Variants in CHRNA7 observed in about 807,000 individuals in gnomAD.
CHRNA7 encodes the protein cholinergic receptor nicotinic alpha 7 subunit.
In CHRNA7, 17 loss-of-function variants were observed where a neutral mutation model predicts 48.0. That is an observed-to-expected ratio of 0.35 (90% CI 0.24 to 0.53). CHRNA7 has a LOEUF of 0.53. Among genes scored for constraint, CHRNA7 ranks in the 20% least tolerant of loss-of-function variants. The probability of loss-of-function intolerance (pLI) is 0.92; values close to 1 mark genes in which losing one functional copy is unlikely to be tolerated. For missense variants in CHRNA7, 155 were observed against 577.7 expected, an observed-to-expected ratio of 0.27 and a Z score of 7.50; for synonymous variants, 75 against 242.3, an observed-to-expected ratio of 0.31 and a Z score of 6.41.
At chr15:32,045,588 A>G (rs2049526810) in intron 2 of CHRNA7, among the ~76,000 whole-genome samples, 1 of 151,324 alleles carries the variant, frequency 6.6e-6, no homozygotes, top group Non-Finnish European at 1.5e-5. Context: ...CCAGGCTGGC[A>G]TATGGTGGCA....
At chr15:32,119,296 C>T (rs1044657634) in intron 4 of CHRNA7, among the ~76,000 whole-genome samples, 1 of 152,250 alleles carries the variant, frequency 6.6e-6, no homozygotes, top group Non-Finnish European at 1.5e-5. Context: ...TTGGTTTTAA[C>T]ATTTTCCTGG....
At chr15:32,095,662 A>G (rs2050456792) in intron 2 of CHRNA7, among the ~76,000 whole-genome samples, 1 of 152,180 alleles carries the variant, frequency 6.6e-6, no homozygotes, top group East Asian at 1.9e-4. Flanking sequence ...GGAAGACTCA[A>G]GGGAAAAGGG....
chr15:32,054,012 T>A (rs1054260020), intron 2 of CHRNA7, among the ~76,000 whole-genome samples: 2 of 152,200 alleles, frequency 1.3e-5, no homozygotes, highest in African/African-American at 4.8e-5. Flanking sequence ...TGTCTGTAAA[T>A]ATTCCTGTCT....
At chr15:32,053,079 C>G (rs2049720892) in intron 2 of CHRNA7, among the ~76,000 whole-genome samples, 1 of 152,102 alleles carries the variant, frequency 6.6e-6, no homozygotes, top group Admixed American at 6.5e-5. Flanking sequence ...ATTTTGTCTC[C>G]TAAAACCTGA....
At chr15:32,064,626 A>C (rs77559162) in intron 2 of CHRNA7, among the ~76,000 whole-genome samples, 3,117 of 152,076 alleles carry the variant, frequency 0.02, 101 homozygotes, top group African/African-American at 0.071. Flanking sequence ...GGGGACCTTA[A>C]TATGATTAGG....
chr15:32,138,297 T>C (rs2051308922), intron 4 of CHRNA7, among the ~76,000 whole-genome samples: 1 of 152,110 alleles, frequency 6.6e-6, no homozygotes, highest in East Asian at 1.9e-4. Context: ...TATGCCAAAA[T>C]TTTGGAAACT....
chr15:32,121,051 G>A (rs1055929730), intron 4 of CHRNA7, among the ~76,000 whole-genome samples: 1 of 152,208 alleles, frequency 6.6e-6, no homozygotes, highest in Non-Finnish European at 1.5e-5. Context: ...CTGCACAGGA[G>A]GAGACTTAGG....
At chr15:32,069,169 GAA>G (rs773761876) in intron 2 of CHRNA7, among the ~76,000 whole-genome samples, 1 of 152,140 alleles carries the variant, frequency 6.6e-6, no homozygotes, top group Non-Finnish European at 1.5e-5. Flanking sequence ...CACAGAAAAT[GAA>G]AAGACAACTC....
intron 4 of CHRNA7, among the ~76,000 whole-genome samples, chr15:32,139,060 G>C (rs2051328097): frequency 6.6e-6 from 1 of 152,074 alleles, no homozygotes; most frequent in African/African-American, 2.4e-5. Flanking sequence ...GGCCTGATCT[G>C]TTTTGCTGTC....
intron 2 of CHRNA7, among the ~76,000 whole-genome samples, chr15:32,085,100 A>T (rs2050274461): frequency 6.6e-6 from 1 of 152,170 alleles, no homozygotes; most frequent in Non-Finnish European, 1.5e-5. Context: ...AAGTGCTGGG[A>T]TTACAGGTGG....
intron 4 of CHRNA7, among the ~76,000 whole-genome samples, chr15:32,121,280 T>C (rs555456914): frequency 1.3e-5 from 2 of 149,630 alleles, no homozygotes; most frequent in African/African-American, 2.6e-5. Flanking sequence ...TGTAAGACAC[T>C]GTGCTTCTAG....
Position 32,030,616 on chromosome 15 carries a change from G to A in CHRNA7, c.22G>A (p.Val8Ile). The change falls in exon 1 of 10, where the codon GTC becomes ATC. Residue 8 changes from valine to isoleucine, a missense_variant. Transcript: ENST00000306901. MRCSPGG[V>I]WLALAASLLH... ...CAACATGCGCTGCTCGCCGGGAGGC[G>A]TCTGGCTGGCGCTGGCCGCGTCGCT... is the stretch of plus-strand genomic sequence containing the variant. 3 of 1,564,284 alleles carry A rather than the reference G, an allele frequency of 1.9e-6. No homozygotes were observed. The highest frequency in any genetic ancestry group is 2.3e-5 in the South Asian group (2 of 85,440).
At position 32,030,649 on chromosome 15, in the gene CHRNA7, G is replaced by A. The variant is rs765585399; in HGVS notation, c.55G>A (p.Val19Met). The change falls in exon 1 of 10, where the codon GTG becomes ATG. Residue 19 changes from valine (V) to methionine (M), a missense_variant and splice_region_variant. Coordinates refer to ENST00000306901, the MANE Select transcript of CHRNA7 (RefSeq NM_000746.6). ...WLALAASLLH[V>M]SLQGEFQRKL... ...GGCGCTGGCCGCGTCGCTCCTGCACGGTAAAGCCACTGCCTCCCCGCCCTC... is the reference window on the plus strand; with the variant it reads ...GGCGCTGGCCGCGTCGCTCCTGCACAGTAAAGCCACTGCCTCCCCGCCCTC... 7 of 1,577,166 alleles carry A rather than the reference G, an allele frequency of 4.4e-6. No homozygotes were observed. Among genetic ancestry groups the A allele is most frequent in the Non-Finnish European group, 6.0e-6 (7 of 1,165,766 alleles).
At chr15:32,046,956 G>A (rs2049561196) in intron 2 of CHRNA7, among the ~76,000 whole-genome samples, 1 of 151,090 alleles carries the variant, frequency 6.6e-6, no homozygotes, top group South Asian at 2.1e-4. Context: ...TTTTTGTCAG[G>A]TTTGTCAAAG....
Position 32,101,328 on chromosome 15 carries a change from C to T in CHRNA7, c.221C>T (p.Thr74Ile). ...GATGAGAAGAACCAAGTTTTAACCACCAACATTTGGCTGCAAATGGTAAGT... is the reference window on the plus strand; with the variant it reads ...GATGAGAAGAACCAAGTTTTAACCATCAACATTTGGCTGCAAATGGTAAGT... ...DVDEKNQVLT[T>I]NIWLQMSWTD... Residue 74 changes from threonine to isoleucine, a missense_variant, in exon 3 of 10, where the codon ACC becomes ATC. By Grantham distance (89) the Thr-to-Ile change is moderately conservative (BLOSUM62 -1). Transcript: ENST00000306901. 1 of 1,591,632 alleles carries T rather than the reference C, an allele frequency of 6.3e-7. No individual in the cohort carries two copies.
intron 2 of CHRNA7, among the ~76,000 whole-genome samples, chr15:32,073,882 C>T (rs1052089478): frequency 1.3e-5 from 2 of 152,104 alleles, no homozygotes; most frequent in Admixed American, 1.3e-4. Context: ...AACCAGAAAC[C>T]AAATAAATCT....
intron 3 of CHRNA7, among the ~76,000 whole-genome samples, chr15:32,106,479 G>A (rs369114973): frequency 6.6e-6 from 1 of 152,180 alleles, no homozygotes; most frequent in Non-Finnish European, 1.5e-5. Context: ...AAACGTGAGG[G>A]AGGAGAAAGA....
At chr15:32,136,069 T>C (rs972959453) in intron 4 of CHRNA7, among the ~76,000 whole-genome samples, 2 of 152,122 alleles carry the variant, frequency 1.3e-5, no homozygotes, top group Non-Finnish European at 2.9e-5. Context: ...GCTACTATTT[T>C]AAAAAACTAC....
chr15:32,144,497 T>C (rs954491141), intron 4 of CHRNA7, among the ~76,000 whole-genome samples: 12 of 152,326 alleles, frequency 7.9e-5, no homozygotes, highest in Middle Eastern at 3.4e-3. Context: ...CTGGATAATA[T>C]CCTGAAGGGT....
Sources: allele counts gnomAD v4.1 joint callset (sites outside exome capture counted in the v4.1 genomes callset), GRCh38; gene constraint gnomAD v4.1.1; transcripts MANE v1.5; gene names NCBI Gene and HGNC (gene_info 2026-07-23, HGNC 2026-07-21).